The following GDA variants were observed in gnomAD, a reference collection of about 807,000 sequenced individuals.
The protein encoded by GDA is cytoplasmic PSD-95 interactor.
Under a neutral mutation model 59.6 loss-of-function variants are expected in GDA, and 18 were observed. The ratio of observed to expected loss-of-function variants is 0.30; its 90% CI spans 0.21 to 0.45. The LOEUF (loss-of-function observed/expected upper bound fraction) is 0.45, where lower values mean the gene tolerates loss of function less well. Ranked by LOEUF, GDA falls within the 20% of genes least tolerant of loss-of-function variation. GDA has a pLI of 1.00. For missense variants in GDA, 427 were observed against 552.3 expected, an observed-to-expected ratio of 0.77 and a Z score of 2.27; for synonymous variants, 201 against 201.1, an observed-to-expected ratio of 1.00 and a Z score of 0.00.
intron 10 of GDA, among the ~76,000 whole-genome samples, chr9:72,231,969 G>A (rs1838405543): frequency 2.0e-5 from 3 of 152,226 alleles, no homozygotes; most frequent in Non-Finnish European, 4.4e-5. Context: ...CTACTAGGCT[G>A]AGGGATGTTC....
chr9:72,142,178 G>A (rs527432955), intron 1 of GDA, among the ~76,000 whole-genome samples: 1 of 152,110 alleles, frequency 6.6e-6, no homozygotes, highest in South Asian at 2.1e-4. Context: ...TAGTTATTTT[G>A]GTCTTTGATG....
chr9:72,176,782 G>T (rs547038226), intron 1 of GDA, among the ~76,000 whole-genome samples: 1 of 152,118 alleles, frequency 6.6e-6, no homozygotes, highest in Non-Finnish European at 1.5e-5. Context: ...TGCAACTGTG[G>T]TAATCTTAAC....
chr9:72,169,155 G>A (rs1305785902), intron 1 of GDA, among the ~76,000 whole-genome samples: 1 of 152,168 alleles, frequency 6.6e-6, no homozygotes, highest in African/African-American at 2.4e-5. Context: ...CTATTACATT[G>A]TTTCATGTCA....
chr9:72,134,846 A>C (rs1376580530), intron 1 of GDA, among the ~76,000 whole-genome samples: 1 of 152,232 alleles, frequency 6.6e-6, no homozygotes, highest in Non-Finnish European at 1.5e-5. Flanking sequence ...TCCACTTGAC[A>C]ATTTTGCCTG....
At chr9:72,253,051 CT>C (rs1840794638), downstream of GDA, among the ~76,000 whole-genome samples, 2 of 152,064 alleles carry the variant, frequency 1.3e-5, no homozygotes, top group African/African-American at 4.8e-5. Context: ...ACGGATCCTC[CT>C]TTACACAGAA....
chr9:72,142,344 G>A (rs879876368), intron 1 of GDA, among the ~76,000 whole-genome samples: 8 of 152,006 alleles, frequency 5.3e-5, no homozygotes, highest in Non-Finnish European at 8.8e-5. Flanking sequence ...GGCCGGGTGC[G>A]GTAGCTCATA....
intron 1 of GDA, among the ~76,000 whole-genome samples, chr9:72,125,319 A>ACGCC (rs1825807306): frequency 7.8e-6 from 1 of 127,390 alleles, no homozygotes. Context: ...TCCTTCCTTT[A>ACGCC]CTCCCTCCCT....
At chr9:72,199,027 T>TGCC (rs763164007) in intron 2 of GDA, among the ~76,000 whole-genome samples, 4 of 152,120 alleles carry the variant, frequency 2.6e-5, no homozygotes, top group Middle Eastern at 3.2e-3. Flanking sequence ...CTTCTGCTGC[T>TGCC]GCCTTCAGAT....
intron 3 of GDA, among the ~76,000 whole-genome samples, chr9:72,203,717 C>T (rs1484168101): frequency 6.6e-6 from 1 of 152,094 alleles, no homozygotes; most frequent in Non-Finnish European, 1.5e-5. Flanking sequence ...GTGGTGGTGG[C>T]AGTATTATAA....
At chr9:72,143,527 A>G (rs1826518099) in intron 1 of GDA, among the ~76,000 whole-genome samples, 1 of 152,178 alleles carries the variant, frequency 6.6e-6, no homozygotes, top group Non-Finnish European at 1.5e-5. Flanking sequence ...CAGTATGAGT[A>G]GGTGATGGAA....
At chr9:72,189,166 CTTTTTTTTTTTTTTTTTTT>C (rs71493640) in intron 1 of GDA, among the ~76,000 whole-genome samples, 1 of 54,934 alleles carries the variant, frequency 1.8e-5, no homozygotes, top group Admixed American at 2.0e-4. Flanking sequence ...AGACTCTAGA[CTTTTTTTTTTTTTTTTTTT>C]TTTTTTTTTT....
intron 5 of GDA, among the ~76,000 whole-genome samples, chr9:72,219,005 T>G (rs185504340): frequency 6.6e-6 from 1 of 152,322 alleles, no homozygotes; most frequent in South Asian, 2.1e-4. Flanking sequence ...TAATTACTAC[T>G]TGTTAATCTT....
downstream of GDA, among the ~76,000 whole-genome samples, chr9:72,259,253 G>A (rs1266920369): frequency 6.6e-6 from 1 of 152,080 alleles, no homozygotes; most frequent in African/African-American, 2.4e-5. Context: ...TTGAATTCCT[G>A]ACCTTGTGAT....
chr9:72,232,378 A>G (rs1587746533), intron 10 of GDA, among the ~76,000 whole-genome samples: 2 of 152,338 alleles, frequency 1.3e-5, no homozygotes, highest in East Asian at 3.9e-4. Flanking sequence ...TGAAAGAGGT[A>G]TATATTAGAT....
intron 1 of GDA, among the ~76,000 whole-genome samples, chr9:72,164,322 A>G (rs1829024949): frequency 6.6e-6 from 1 of 152,204 alleles, no homozygotes; most frequent in African/African-American, 2.4e-5. Flanking sequence ...AGATGGGGAT[A>G]CTTCAAGATG....
downstream of GDA, chr9:72,257,401 C>T (rs1840898782): frequency 6.6e-6 from 1 of 152,220 alleles, no homozygotes; most frequent in African/African-American, 2.4e-5. Flanking sequence ...CTTATTTCCC[C>T]CACGGTGAGT....
In GDA at chr9:72,199,994, C is replaced by CTTTTTT. The variant is rs1271694156; in HGVS notation, c.213-2561_213-2556dup. Reference sequence around the variant, plus strand: ...TAAGACCCTCAAATCTGAATCCTTTCTTTTTTTTTTTTTTTTTTTTTGAGA... The same window carrying CTTTTTT: ...TAAGACCCTCAAATCTGAATCCTTTCTTTTTTTTTTTTTTTTTTTTTTTTTTTGAGA... On this transcript the variant is annotated intron_variant, in intron 2 of 13. Transcript: ENST00000358399. Among the ~76,000 whole-genome samples the CTTTTTT allele has an allele frequency of 4.3e-4, 52 of 119,810 alleles. 1 individual carries two copies. The highest frequency in any genetic ancestry group is 8.4e-4 in the African/African-American group (25 of 29,800). 78.6% of individuals were successfully genotyped at this position (119,810 alleles called of 152,430 possible). A position where few individuals can be genotyped will look rare whatever the true frequency, so the allele number is the denominator to read the frequency against.
chr9:72,165,512 G>T (rs7032697), intron 1 of GDA, among the ~76,000 whole-genome samples: 2 of 152,014 alleles, frequency 1.3e-5, no homozygotes, highest in Non-Finnish European at 2.9e-5. Flanking sequence ...CAGGTAAGAC[G>T]ATAGAAGCAG....
chr9:72,201,257 A>G (rs539297224), intron 2 of GDA, among the ~76,000 whole-genome samples: 6 of 151,494 alleles, frequency 4.0e-5, no homozygotes, highest in South Asian at 2.1e-4. Flanking sequence ...CTGATTTCAG[A>G]TCTTAGCAGG....
Sources: gnomAD v4.1 joint callset for allele counts (sites outside exome capture counted in the v4.1 genomes callset) on GRCh38, gnomAD v4.1.1 for gene constraint, MANE v1.5 for transcripts, NCBI Gene and HGNC (gene_info 2026-07-23, HGNC 2026-07-21) for gene names.